The following KCNMB3 variants were observed in gnomAD, a reference collection of about 807,000 sequenced individuals.
KCNMB3 encodes potassium calcium-activated channel subfamily M regulatory beta subunit 3, also known as calcium-activated potassium channel subunit beta-3.
Under a neutral mutation model 11.9 loss-of-function variants are expected in KCNMB3, and 18 were observed. The observed-to-expected ratio is 1.51, with a 90% CI of 1.04 to 2.23. The LOEUF is 2.23. KCNMB3 is among the 30% of genes most tolerant of loss of function. The pLI is 0.00. For synonymous variants in KCNMB3, 78 were observed against 119.2 expected (o/e 0.65, Z 2.25); for missense variants, 247 against 329.4 (o/e 0.75, Z 1.94).
chr3:179,249,553 A>G (rs1310708679), intron 1 of KCNMB3, among the ~76,000 whole-genome samples: 1 of 151,888 alleles, frequency 6.6e-6, no homozygotes, highest in Non-Finnish European at 1.5e-5. Flanking sequence ...GGCGCCTGTA[A>G]TCCCAGCTAC....
intron 1 of KCNMB3, among the ~76,000 whole-genome samples, chr3:179,265,520 A>T (rs112697440): frequency 0.078 from 11,829 of 152,218 alleles, 578 homozygotes; most frequent in Admixed American, 0.15. Context: ...GCAATGGCAC[A>T]ATCTCTGCTC....
chr3:179,264,944 T>C (rs1726325303), intron 1 of KCNMB3, among the ~76,000 whole-genome samples: 2 of 152,232 alleles, frequency 1.3e-5, no homozygotes, highest in Non-Finnish European at 2.9e-5. Context: ...GCAAATAAGG[T>C]TAAGTCAACA....
At chr3:179,263,560 T>G (rs994464376) in intron 1 of KCNMB3, among the ~76,000 whole-genome samples, 4 of 152,200 alleles carry the variant, frequency 2.6e-5, no homozygotes, top group Admixed American at 1.3e-4. Context: ...GACTACAAAC[T>G]TAGCCACAAA....
chr3:179,245,509 T>A (rs1006603633), intron 1 of KCNMB3, among the ~76,000 whole-genome samples: 7 of 138,600 alleles, frequency 5.1e-5, no homozygotes, highest in Non-Finnish European at 1.1e-4. Context: ...CTGAATTAAT[T>A]TTTTTGGGGG....
intron 1 of KCNMB3, among the ~76,000 whole-genome samples, chr3:179,247,582 A>C (rs1725687014): frequency 6.6e-6 from 1 of 152,198 alleles, no homozygotes; most frequent in South Asian, 2.1e-4. Context: ...ACCGAGCTAC[A>C]AAGTTGCCTC....
rs1027418889 is a variant in KCNMB3, at chr3:179,259,350, C to A, written c.62+7299G>T. 5.1e-6 allele frequency: 8 copies of A among 1,565,486 alleles called. No homozygotes were observed. In the East Asian group the frequency reaches 1.8e-4, roughly 35 times the overall value. ...TATTTTAGCATTATCTTTTGCAACA[C>A]CTTCATCTAATTCTTCACCACCAGC... On this transcript the variant is annotated intron_variant, in intron 1 of 3. Transcript: ENST00000349697.
chr3:179,258,869 C>T, intron 1 of KCNMB3: 1 of 1,560,520 alleles, frequency 6.4e-7, no homozygotes, highest in Admixed American at 1.7e-5. Flanking sequence ...CTACAAGTAA[C>T]AGTCTATAAC....
chr3:179,247,267 T>C (rs1725671789), intron 1 of KCNMB3, among the ~76,000 whole-genome samples: 1 of 152,110 alleles, frequency 6.6e-6, no homozygotes, highest in South Asian at 2.1e-4. Flanking sequence ...GATCTGCCTG[T>C]GCACACACAC....
intron 1 of KCNMB3, among the ~76,000 whole-genome samples, chr3:179,257,116 T>C (rs1726035222): frequency 6.6e-6 from 1 of 152,198 alleles, no homozygotes; most frequent in Non-Finnish European, 1.5e-5. Flanking sequence ...ATAAGCTTGA[T>C]TGTGCCACTG....
rs1726164153 is a variant in KCNMB3 at position 179,260,365 on chromosome 3, C to T, written c.62+6284G>A. On this transcript the variant is annotated intron_variant, in intron 1 of 3. Transcript: ENST00000349697. ...TCATAGGTAGCACCTGCTAAGGTTC[C>T]TAGGAATGGGGCAGTGTCTTCAGAG... is the stretch of plus-strand genomic sequence containing the variant. 4 of 1,613,964 alleles carry T rather than the reference C, an allele frequency of 2.5e-6. No individual in the cohort carries two copies. The African/African-American group carries it at 5.3e-5, about 22-fold the overall frequency.
In KCNMB3 at chr3:179,244,746, A is replaced by G; in HGVS notation, c.249-53T>C. ...TTCACTTATTAGAAAATTTCATTCT[A>G]CATTTTGGTGTGGTTATGAGCTTAT... On this transcript the variant is annotated intron_variant, in intron 1 of 2. Transcript: ENST00000392685. 3 of 1,515,356 alleles carry G rather than the reference A, an allele frequency of 2.0e-6. No homozygotes were observed. The Admixed American group carries it at 5.3e-5, about 27-fold the overall frequency. 93.9% of individuals were successfully genotyped at this position (1,515,356 alleles called of 1,614,324 possible).
At chr3:179,262,040 T>C (rs1726232039) in intron 1 of KCNMB3, among the ~76,000 whole-genome samples, 1 of 152,240 alleles carries the variant, frequency 6.6e-6, no homozygotes, top group Non-Finnish European at 1.5e-5. Context: ...ACAATGCTAA[T>C]TTGTAGGTAC....
Position 179,264,636 on chromosome 3 carries a change from T to G in KCNMB3, c.62+2013A>C, listed in dbSNP as rs544286370. ...TGGCTTAGCCTGAGGCAAACTCAAT[T>G]ACAAACAGCCTGAACACACTCACCT... is the stretch of plus-strand genomic sequence containing the variant. On this transcript the variant is annotated intron_variant, in intron 1 of 3. Coordinates refer to the KCNMB3 transcript ENST00000349697. Among the ~76,000 whole-genome samples, 12 of 152,244 alleles carry G rather than the reference T, an allele frequency of 7.9e-5. 1 individual carries two copies. In the South Asian group the frequency reaches 2.5e-3, roughly 32 times the overall value.
At position 179,250,809 on chromosome 3, in the gene KCNMB3, A is replaced by C; in HGVS notation, c.182T>G (p.Met61Arg). Residue 61 changes from methionine (M) to arginine (R), a missense_variant, in exon 1 of 3, where the codon ATG becomes AGG. By Grantham distance (91) the Met-to-Arg change is moderately conservative. Transcript: ENST00000392685. ...GAACATTAGGACTGAGAAGCCCATC[A>C]TGGCAAACCCCAGCATCACGGCTCG... is the stretch of plus-strand genomic sequence containing the variant. ...EDRAVMLGFA[M>R]MGFSVLMFFL... 6.2e-7 allele frequency: 1 copy of C among 1,614,200 alleles called. No homozygotes were observed. Among genetic ancestry groups the C allele is most frequent in the South Asian group, 1.1e-5 (1 of 91,088 alleles).
At chr3:179,256,973 G>A (rs187220974) in intron 1 of KCNMB3, among the ~76,000 whole-genome samples, 290 of 152,204 alleles carry the variant, frequency 1.9e-3, no homozygotes, top group Non-Finnish European at 3.6e-3. Context: ...ACCAGCCTGG[G>A]CAACATAGCA....
chr3:179,251,725 TTG>T, upstream of KCNMB3: 1 of 1,093,710 alleles, frequency 9.1e-7, no homozygotes, highest in South Asian at 4.7e-5. Flanking sequence ...TTTTTTGTTT[TTG>T]TGTTTTTTGG....
chr3:179,259,869 G>T, intron 1 of KCNMB3: 2 of 1,613,086 alleles, frequency 1.2e-6, no homozygotes, highest in Non-Finnish European at 1.7e-6. Flanking sequence ...CTTGCTCTCA[G>T]TTCCTGCTGG....
At chr3:179,259,753 A>G (rs1726142952) in intron 1 of KCNMB3, 1 of 1,598,158 alleles carries the variant, frequency 6.3e-7, no homozygotes, top group African/African-American at 1.4e-5. Context: ...TTCTGCAATG[A>G]GTCCAATGCC....
intron 1 of KCNMB3, chr3:179,258,946 A>G (rs1389813974): frequency 6.2e-7 from 1 of 1,613,838 alleles, no homozygotes. Context: ...CATTCTACTT[A>G]CATTGGCAGT....
Sources: allele counts gnomAD v4.1 joint callset (sites outside exome capture counted in the v4.1 genomes callset), GRCh38; gene constraint gnomAD v4.1.1; transcripts MANE v1.5; gene names NCBI Gene and HGNC (gene_info 2026-07-23, HGNC 2026-07-21).